SLC9C1: variants seen among roughly 807,000 people sequenced by gnomAD.
The protein encoded by SLC9C1 is solute carrier family 9 member C1.
A neutral mutation model predicts 140.9 loss-of-function variants in SLC9C1; 97 were observed. The ratio of observed to expected loss-of-function variants is 0.69; its 90% CI spans 0.58 to 0.82. The LOEUF (loss-of-function observed/expected upper bound fraction) is 0.82, where lower values mean the gene tolerates loss of function less well. Ranked by LOEUF, SLC9C1 falls within the 40% of genes least tolerant of loss-of-function variation. The pLI is 0.00. For missense variants in SLC9C1, 1,340 were observed against 1,389.3 expected (o/e 0.96, Z 0.56); for synonymous variants, 440 against 442.6 (o/e 0.99, Z 0.07).
intron 23 of SLC9C1, among the ~76,000 whole-genome samples, chr3:112,171,770 T>C (rs2077251592): frequency 6.6e-6 from 1 of 152,250 alleles, no homozygotes; most frequent in African/African-American, 2.4e-5. Context: ...TATATGATCA[T>C]GCCACATTAC....
At chr3:112,209,065 T>C (rs1274856332) in intron 15 of SLC9C1, among the ~76,000 whole-genome samples, 2 of 152,218 alleles carry the variant, frequency 1.3e-5, no homozygotes, top group African/African-American at 2.4e-5. Flanking sequence ...TCAAGTAGTA[T>C]AGTAATACAC....
chr3:112,292,321 A>G (rs1028665603), intron 1 of SLC9C1, among the ~76,000 whole-genome samples: 3 of 152,226 alleles, frequency 2.0e-5, no homozygotes, highest in Non-Finnish European at 4.4e-5. Context: ...GTTTACTCTT[A>G]AATTCAGAGA....
intron 16 of SLC9C1, among the ~76,000 whole-genome samples, chr3:112,204,938 C>A (rs377744827): frequency 1.3e-5 from 2 of 152,176 alleles, no homozygotes; most frequent in East Asian, 3.9e-4. Flanking sequence ...ACTAAATTCA[C>A]TTGTGTAATT....
intron 25 of SLC9C1, among the ~76,000 whole-genome samples, chr3:112,168,195 G>A (rs2046983): frequency 0.31 from 46,438 of 151,834 alleles, 7,367 homozygotes; most frequent in African/African-American, 0.36. Flanking sequence ...TCAATATATA[G>A]CACTGTATTC....
intron 20 of SLC9C1, chr3:112,186,033 T>G: frequency 1.5e-6 from 2 of 1,367,830 alleles, no homozygotes; most frequent in Admixed American, 2.6e-5. Flanking sequence ...TATTAGCCAT[T>G]TAAATATCTT....
intron 20 of SLC9C1, among the ~76,000 whole-genome samples, chr3:112,182,536 C>T (rs780028754): frequency 6.6e-6 from 1 of 151,742 alleles, no homozygotes; most frequent in Non-Finnish European, 1.5e-5. Flanking sequence ...ATTTTGTTAC[C>T]CAGGTAATAA....
chr3:112,244,205 C>T (rs1559706630), intron 10 of SLC9C1, 129 bp from the exon 11 acceptor site: 2 of 449,424 alleles, frequency 4.5e-6, no homozygotes, highest in Non-Finnish European at 7.7e-6. Flanking sequence ...AATAGATGCT[C>T]ATGGCAGGGG....
chr3:112,185,874 C>G, intron 20 of SLC9C1: 1 of 1,589,072 alleles, frequency 6.3e-7, no homozygotes, highest in Non-Finnish European at 8.5e-7. Context: ...CTCCCACTCG[C>G]CAGGCGGCAG....
chr3:112,155,865 A>G (rs1409037253), intron 26 of SLC9C1, among the ~76,000 whole-genome samples: 1 of 152,086 alleles, frequency 6.6e-6, no homozygotes, highest in Non-Finnish European at 1.5e-5. Context: ...TTTTTTGACA[A>G]TTTAAATATT....
intron 12 of SLC9C1, 152 bp downstream of exon 12, chr3:112,239,688 T>TCCC (rs2079088944): frequency 1.4e-6 from 1 of 725,554 alleles, no homozygotes; most frequent in Admixed American, 3.2e-5. Context: ...TCCTTAACAC[T>TCCC]CCCCCTTACT....
At chr3:112,147,584 T>A (rs984674622) in intron 28 of SLC9C1, 1 of 359,318 alleles carries the variant, frequency 2.8e-6, no homozygotes, top group African/African-American at 2.2e-5. Context: ...GAATTTTCTT[T>A]CTTTCAGAAA....
At position 112,212,144 on chromosome 3, in the gene SLC9C1, T is replaced by A. The variant is rs549563422; in HGVS notation, c.1791-3771A>T. ...ACTCCAACAGACCTGCAGCTGAGGGTCCTGACTGTTAGAAGGAAAAGTAAC... is the reference window on the plus strand; with the variant it reads ...ACTCCAACAGACCTGCAGCTGAGGGACCTGACTGTTAGAAGGAAAAGTAAC... On this transcript the variant is annotated intron_variant, in intron 15 of 28. Transcript: ENST00000305815. 2.6e-5 allele frequency among the ~76,000 whole-genome samples: 4 copies of A among 152,144 alleles called. No homozygotes were observed. In the South Asian group the frequency reaches 8.3e-4, roughly 32 times the overall value.
At chr3:112,215,868 A>G (rs996629976) in intron 15 of SLC9C1, among the ~76,000 whole-genome samples, 3 of 152,192 alleles carry the variant, frequency 2.0e-5, no homozygotes, top group Non-Finnish European at 4.4e-5. Context: ...TAAACTTCAT[A>G]TGGAACCAAA....
At chr3:112,178,509 T>A (rs546101766) in intron 23 of SLC9C1, among the ~76,000 whole-genome samples, 1 of 152,292 alleles carries the variant, frequency 6.6e-6, no homozygotes, top group African/African-American at 2.4e-5. Context: ...TAAATTTAGC[T>A]GATTATTCCC....
intron 10 of SLC9C1, among the ~76,000 whole-genome samples, chr3:112,250,483 A>G (rs4569631): frequency 0.56 from 72,208 of 128,460 alleles, 21,947 homozygotes; most frequent in East Asian, 0.78. Flanking sequence ...CTGAGGAATC[A>G]CCACACTGAC....
At chr3:112,143,237 A>G (rs74855271) in intron 28 of SLC9C1, among the ~76,000 whole-genome samples, 33 of 15,736 alleles carry the variant, frequency 2.1e-3, no homozygotes, top group African/African-American at 7.3e-3. Context: ...TAATTTGTGT[A>G]TATATATATA....
chr3:112,169,145 A>C, intron 24 of SLC9C1, 52 bp downstream of exon 24: 2 of 1,593,540 alleles, frequency 1.3e-6, no homozygotes, highest in Admixed American at 3.5e-5. Flanking sequence ...ATAATGTTTT[A>C]ATGCCATTCC....
intron 12 of SLC9C1, among the ~76,000 whole-genome samples, chr3:112,234,624 G>A (rs1242867500): frequency 6.6e-6 from 1 of 152,184 alleles, no homozygotes; most frequent in East Asian, 1.9e-4. Flanking sequence ...TAACATTTAA[G>A]TCTTTAATCC....
In SLC9C1 at chr3:112,169,316, G is replaced by C. The variant is rs202130918; in HGVS notation, c.2932C>G (p.Pro978Ala). 1.1e-5 allele frequency: 17 copies of C among 1,607,522 alleles called. No homozygotes were observed. The East Asian group carries it at 2.9e-4, about 27-fold the overall frequency. ...AAAGCATCATACAAGTGAGTTTTGG[G>C]AATAAAACATGTCTGGAAAAGAAGG... ...CKTVVETCFI[P>A]KTHLYDAFEQ... Residue 978 changes from proline (P) to alanine (A), a missense_variant, in exon 24 of 29, where the codon CCC becomes GCC. By Grantham distance (27) the Pro-to-Ala change is conservative (BLOSUM62 -1). Transcript: ENST00000305815.
Sources: gnomAD v4.1 joint callset for allele counts (sites outside exome capture counted in the v4.1 genomes callset) on GRCh38, gnomAD v4.1.1 for gene constraint, MANE v1.5 for transcripts, NCBI Gene and HGNC (gene_info 2026-07-23, HGNC 2026-07-21) for gene names.